EPS8: variants seen among roughly 807,000 people sequenced by gnomAD.
EPS8 encodes the protein EGFR pathway substrate 8, signaling adaptor.
Under a neutral mutation model 103.8 loss-of-function variants are expected in EPS8, and 42 were observed. The ratio of observed to expected loss-of-function variants is 0.40; its 90% CI spans 0.32 to 0.52. The LOEUF is 0.52. Among genes scored for constraint, EPS8 ranks in the 20% least tolerant of loss-of-function variants. EPS8 has a pLI of 0.40. For synonymous variants in EPS8, 344 were observed against 344.6 expected (o/e 1.00, Z 0.02); for missense variants, 969 against 1,005.1 (o/e 0.96, Z 0.49).
chr12:15,693,077 C>T lies in EPS8; in HGVS notation c.-21-10105G>A, dbSNP rs1287515048. On this transcript the variant is annotated intron_variant, in intron 1 of 20. Coordinates refer to ENST00000281172, the MANE Select transcript of EPS8 (RefSeq NM_004447.6). The surrounding 1 kb of genome is among the most constrained non-coding windows in gnomAD (Gnocchi z 5.6). ...TGAAGATGAAGCCCTAAAAAGGTGG[C>T]AAGAAAGTCAGTGTCCATGGGTGGG... 2.0e-5 allele frequency among the ~76,000 whole-genome samples: 3 copies of T among 152,100 alleles called. No individual in the cohort carries two copies. Among genetic ancestry groups the T allele is most frequent in the African/African-American group, 7.2e-5 (3 of 41,408 alleles).
chr12:15,732,726 A>C, intron 1 of EPS8: 1 of 958,190 alleles, frequency 1.0e-6, no homozygotes. Flanking sequence ...TATGATTTGC[A>C]ATAAAGAGAA....
chr12:15,657,691 A>T (rs1359574072), intron 12 of EPS8, among the ~76,000 whole-genome samples: 1 of 152,218 alleles, frequency 6.6e-6, no homozygotes, highest in Non-Finnish European at 1.5e-5. Flanking sequence ...TCTCTGAATG[A>T]CTTCATGGAG....
At position 15,751,837 on chromosome 12, in the gene EPS8, A is replaced by C. The variant is rs1211178685; in HGVS notation, c.-22+37324T>G. ...TTAGACGTTAACTAGACTTCTGATGAAGTCTCCCTTACATGATAAAATACA... is the reference window on the plus strand; with the variant it reads ...TTAGACGTTAACTAGACTTCTGATGCAGTCTCCCTTACATGATAAAATACA... On this transcript the variant is annotated intron_variant, in intron 1 of 20. Transcript: ENST00000281172. This position sits in a 1 kb window ranked among gnomAD's most constrained non-coding sequence, Gnocchi z 4.3. Among the ~76,000 whole-genome samples, 1 of 152,088 alleles carries C rather than the reference A, an allele frequency of 6.6e-6. No homozygotes were observed. The highest frequency in any genetic ancestry group is 1.5e-5 in the Non-Finnish European group (1 of 68,040).
intron 3 of EPS8, among the ~76,000 whole-genome samples, chr12:15,674,864 T>C (rs556651888): frequency 1.3e-5 from 2 of 149,888 alleles, no homozygotes; most frequent in South Asian, 2.1e-4. Context: ...AAAAAAAAGA[T>C]TTCAATGTTT....
At chr12:15,743,178 T>C (rs1007152828) in intron 1 of EPS8, among the ~76,000 whole-genome samples, 6 of 152,098 alleles carry the variant, frequency 3.9e-5, no homozygotes, top group Non-Finnish European at 5.9e-5. Flanking sequence ...TCAAAGAGAA[T>C]AAAATACCTA....
intron 3 of EPS8, among the ~76,000 whole-genome samples, chr12:15,671,963 T>C (rs1945825586): frequency 6.6e-6 from 1 of 152,148 alleles, no homozygotes; most frequent in Non-Finnish European, 1.5e-5. Flanking sequence ...AGTAGGAAAC[T>C]AAATTTGGGC....
intron 1 of EPS8, chr12:15,712,874 C>T: frequency 6.1e-6 from 6 of 985,268 alleles, no homozygotes; most frequent in Middle Eastern, 5.2e-4. Context: ...AGGAAATACT[C>T]CTCTAAGCAA....
At position 15,622,116 on chromosome 12, in the gene EPS8, G is replaced by A. The variant is rs75297189; in HGVS notation, c.2356-686C>T. Among the ~76,000 whole-genome samples the A allele has an allele frequency of 1.4e-3, 214 of 152,292 alleles. 1 individual carries two copies. The East Asian group carries it at 0.038, about 27-fold the overall frequency. On this transcript the variant is annotated intron_variant, in intron 20 of 20. Transcript: ENST00000281172. The stretch of plus-strand genomic sequence containing the variant: ...AGCAAATGACAATAATGATAGGCAG[G>A]TGTGGGATGAAGGAATTCAGAATTT...
chr12:15,742,267 T>C (rs1470765753), intron 1 of EPS8, among the ~76,000 whole-genome samples: 1 of 152,236 alleles, frequency 6.6e-6, no homozygotes, highest in Non-Finnish European at 1.5e-5. Flanking sequence ...TTTCTAGTTC[T>C]AGATCCTTGA....
At chr12:15,670,631 A>G (rs1945798382) in intron 4 of EPS8, among the ~76,000 whole-genome samples, 1 of 152,182 alleles carries the variant, frequency 6.6e-6, no homozygotes, top group African/African-American at 2.4e-5. Flanking sequence ...ACTGGCAAGG[A>G]TAAATGGATA....
intron 1 of EPS8, among the ~76,000 whole-genome samples, chr12:15,756,352 T>G (rs1264382171): frequency 6.6e-6 from 1 of 152,162 alleles, no homozygotes; most frequent in African/African-American, 2.4e-5. Context: ...TCAAATAGAA[T>G]TTGGGACAGA....
Position 15,704,882 on chromosome 12 carries a change from T to G in EPS8, c.-21-21910A>C, listed in dbSNP as rs559520378. Among the ~76,000 whole-genome samples, 1 of 152,280 alleles carries G rather than the reference T, an allele frequency of 6.6e-6. No homozygotes were observed. The highest frequency in any genetic ancestry group is 6.5e-5 in the Admixed American group (1 of 15,296). On this transcript the variant is annotated intron_variant, in intron 1 of 20. Coordinates refer to ENST00000281172, the MANE Select transcript of EPS8 (RefSeq NM_004447.6). This position sits in a 1 kb window ranked among gnomAD's most constrained non-coding sequence, Gnocchi z 4.6. ...CTGTTATGGGGATGTACTAGAAGATTAACAATTTCCTTGGCATGCGTGCGC... is the reference window on the plus strand; with the variant it reads ...CTGTTATGGGGATGTACTAGAAGATGAACAATTTCCTTGGCATGCGTGCGC...
chr12:15,754,807 T>G (rs1946969190), intron 1 of EPS8, among the ~76,000 whole-genome samples: 1 of 152,188 alleles, frequency 6.6e-6, no homozygotes, highest in Non-Finnish European at 1.5e-5. Context: ...TTCCCCCAAG[T>G]GTTAGAGACA....
intron 14 of EPS8, among the ~76,000 whole-genome samples, 198 bp from the exon 15 acceptor site, chr12:15,647,458 C>T: frequency 6.6e-6 from 1 of 152,122 alleles, no homozygotes; most frequent in South Asian, 2.1e-4. Flanking sequence ...GTCATTAGTG[C>T]AAAGGGTAAT....
At chr12:15,740,639 T>C (rs748878104) in intron 1 of EPS8, among the ~76,000 whole-genome samples, 2 of 151,940 alleles carry the variant, frequency 1.3e-5, no homozygotes, top group Non-Finnish European at 2.9e-5. Flanking sequence ...CTAGAACATA[T>C]GTGTCATATA....
intron 19 of EPS8, among the ~76,000 whole-genome samples, chr12:15,623,645 G>C (rs984363346): frequency 4.6e-5 from 7 of 152,108 alleles, no homozygotes; most frequent in Non-Finnish European, 1.0e-4. Context: ...ATGCTGGGTA[G>C]GTGAGTTTAT....
At chr12:15,681,000 G>A (rs1945995295) in intron 3 of EPS8, among the ~76,000 whole-genome samples, 1 of 152,038 alleles carries the variant, frequency 6.6e-6, no homozygotes, top group Admixed American at 6.6e-5. Flanking sequence ...ACTTTTGAAA[G>A]CACTGCAATA....
chr12:15,640,918 T>G, intron 16 of EPS8, 72 bp from the exon 17 acceptor site: 1 of 1,413,986 alleles, frequency 7.1e-7, no homozygotes, highest in African/African-American at 1.4e-5. Context: ...TCCCTAGACT[T>G]CAACAAAGAA....
intron 1 of EPS8, among the ~76,000 whole-genome samples, chr12:15,788,394 C>G (rs1372801515): frequency 1.3e-5 from 2 of 152,126 alleles, no homozygotes; most frequent in African/African-American, 4.8e-5. Context: ...AACAGTACTA[C>G]GGGCCCTATG....
Sources: gnomAD v4.1 joint callset for allele counts (sites outside exome capture counted in the v4.1 genomes callset) on GRCh38, gnomAD v4.1.1 for gene constraint, Gnocchi (gnomAD v3.1) non-coding constraint, MANE v1.5 for transcripts, NCBI Gene and HGNC (gene_info 2026-07-23, HGNC 2026-07-21) for gene names.